The following ZNF215 variants were observed in gnomAD, a reference collection of about 807,000 sequenced individuals.
The protein encoded by ZNF215 is BWSCR2-associated zinc finger protein 2.
A neutral mutation model predicts 27.2 loss-of-function variants in ZNF215; 24 were observed. The observed-to-expected ratio is 0.88, with a 90% CI of 0.64 to 1.24. The LOEUF (loss-of-function observed/expected upper bound fraction) is 1.24, where lower values mean the gene tolerates loss of function less well. Among genes scored for constraint, ZNF215 ranks in the 50% most tolerant of loss-of-function variants. The pLI is 0.00. For missense variants in ZNF215, 675 were observed against 605.7 expected (o/e 1.11, Z -1.20); for synonymous variants, 210 against 204.0 (o/e 1.03, Z -0.25).
At chr11:6,965,209 T>A (rs1850595947) in intron 5 of ZNF215, among the ~76,000 whole-genome samples, 1 of 152,106 alleles carries the variant, frequency 6.6e-6, no homozygotes, top group African/African-American at 2.4e-5. Flanking sequence ...TTGAACACGG[T>A]AGTACATGTT....
At chr11:6,943,429 C>A (rs576477773) in intron 5 of ZNF215, 117 bp from the exon 6 acceptor site, 250 of 1,153,208 alleles carry the variant, frequency 2.2e-4, no homozygotes, top group Non-Finnish European at 2.9e-4. Context: ...GCTCTTCTGG[C>A]CTTACCCTTC....
rs1476394200 is a variant in ZNF215 at position 6,955,967 on chromosome 11, G to T, written c.990G>T (p.Gly330=). ...AAGTGGGAATTCCTTCAAGAAAGGG[G>T]TCTCCAAAATGTGATAAGTTTAAAA... The part of the protein sequence containing the change: ...AIQVGIPSRK[G]SPKCDKFKTY... The change falls in exon 7 of 7, where the codon GGG becomes GGT. Residue 330 remains glycine (G), a synonymous_variant. Transcript: ENST00000278319. 9.3e-6 allele frequency: 15 copies of T among 1,612,982 alleles called. No individual in the cohort carries two copies. Among genetic ancestry groups the T allele is most frequent in the Admixed American group, 1.7e-5 (1 of 59,854 alleles).
Position 6,971,597 on chromosome 11 carries a change from AG to A in ZNF215, c.806-12531del, listed in dbSNP as rs151197966. Among the ~76,000 whole-genome samples the A allele has an allele frequency of 9.4e-3, 1,425 of 152,290 alleles. 25 individuals carry two copies. The highest frequency in any genetic ancestry group is 0.033 in the African/African-American group (1,381 of 41,556). On this transcript the variant is annotated intron_variant, in intron 5 of 5. Coordinates refer to the ZNF215 transcript ENST00000529903. ...ATAGATTAAAACATGAAAATCTTTG[AG>A]TTCTTTGAGTACATATCCATAGAAA...
intron 6 of ZNF215, among the ~76,000 whole-genome samples, chr11:6,953,139 C>G (rs957852883): frequency 1.5e-4 from 23 of 152,216 alleles, no homozygotes; most frequent in African/African-American, 5.5e-4. Flanking sequence ...TGTGGGTAAC[C>G]CGACCTTTCT....
chr11:6,946,079 T>A (rs969984355), intron 6 of ZNF215, among the ~76,000 whole-genome samples: 1 of 152,274 alleles, frequency 6.6e-6, no homozygotes, highest in Admixed American at 6.5e-5. Flanking sequence ...CCTTCACTTC[T>A]CTAATATTTG....
downstream of ZNF215, among the ~76,000 whole-genome samples, chr11:6,958,833 C>T (rs897867514): frequency 1.3e-5 from 2 of 152,136 alleles, no homozygotes; most frequent in African/African-American, 4.8e-5. Flanking sequence ...GTCTGATGTT[C>T]AAGGGTAGGA....
chr11:6,932,015 C>A, intron 2 of ZNF215, 79 bp from the exon 3 acceptor site: 1 of 344,594 alleles, frequency 2.9e-6, no homozygotes, highest in Non-Finnish European at 5.2e-6. Flanking sequence ...TTTTCTTAGG[C>A]AATTTTAATA....
chr11:6,955,593 G>T, intron 6 of ZNF215, 97 bp from the exon 7 acceptor site: 1 of 1,226,670 alleles, frequency 8.2e-7, no homozygotes, highest in Non-Finnish European at 1.1e-6. Flanking sequence ...CTGTATTTAA[G>T]ACCCGTGGTA....
rs1239243699 is a variant in ZNF215 at position 6,931,273 on chromosome 11, A to G, written c.-179-821A>G. ...TGAGACAACCCATAAAGTTGTGCTC[A>G]GTTGTTATGAGAGATACTGGCTCCT... On this transcript the variant is annotated intron_variant, in intron 2 of 6. Coordinates refer to ENST00000278319, the MANE Select transcript of ZNF215 (RefSeq NM_013250.4). Among the ~76,000 whole-genome samples the G allele has an allele frequency of 5.3e-5, 8 of 152,236 alleles. No homozygotes were observed. In the East Asian group the frequency reaches 1.2e-3, roughly 22 times the overall value.
downstream of ZNF215, among the ~76,000 whole-genome samples, chr11:6,992,026 A>C (rs745321632): frequency 6.6e-6 from 1 of 152,172 alleles, no homozygotes; most frequent in Non-Finnish European, 1.5e-5. Flanking sequence ...GATAGTTTGC[A>C]CTGAAATTTC....
chr11:6,993,318 G>T (rs145049394), downstream of ZNF215, among the ~76,000 whole-genome samples: 576 of 152,234 alleles, frequency 3.8e-3, 2 homozygotes, highest in Non-Finnish European at 6.2e-3. Flanking sequence ...TTAAGGTCTG[G>T]ATTGGGACCT....
At chr11:6,953,082 T>C (rs1425797473) in intron 6 of ZNF215, among the ~76,000 whole-genome samples, 2 of 152,200 alleles carry the variant, frequency 1.3e-5, no homozygotes, top group African/African-American at 2.4e-5. Context: ...TTCTGGCTTG[T>C]AGAGTTTCTG....
Position 6,957,109 on chromosome 11 carries a change from C to T in ZNF215, c.*578C>T, listed in dbSNP as rs1850390150. On this transcript the variant is annotated 3_prime_UTR_variant, in exon 7 of 7. Transcript: ENST00000278319. ...GAGACTAGAGTTGGGAAAGGGTTAT[C>T]AACTGCAATGGGAGAAGTATGTATT... is the stretch of plus-strand genomic sequence containing the variant. 1.0e-6 allele frequency: 1 copy of T among 985,400 alleles called. No individual in the cohort carries two copies. Among genetic ancestry groups the T allele is most frequent in the African/African-American group, 1.7e-5 (1 of 57,234 alleles). 61.0% of individuals were successfully genotyped at this position (985,400 alleles called of 1,614,324 possible).
chr11:6,961,004 T>A (rs1020463657), downstream of ZNF215, among the ~76,000 whole-genome samples: 4 of 152,136 alleles, frequency 2.6e-5, no homozygotes, highest in African/African-American at 9.7e-5. Context: ...CCAGAATAGG[T>A]TGCTCTTTCT....
intron 3 of ZNF215, among the ~76,000 whole-genome samples, chr11:6,935,227 A>G (rs555823185): frequency 2.0e-5 from 3 of 152,238 alleles, no homozygotes; most frequent in Non-Finnish European, 2.9e-5. Flanking sequence ...GGAAGATTGA[A>G]GACATGTTCA....
chr11:6,934,381 A>G (rs768717288), intron 3 of ZNF215, among the ~76,000 whole-genome samples: 13 of 152,290 alleles, frequency 8.5e-5, no homozygotes, highest in Admixed American at 2.6e-4. Context: ...GTAGTGAGTT[A>G]TATTAGTTTT....
chr11:6,988,132 A>T, downstream of ZNF215: 1 of 952,936 alleles, frequency 1.0e-6, no homozygotes, highest in Non-Finnish European at 1.2e-6. Flanking sequence ...ACAGCAATTC[A>T]TAATCATAAC....
chr11:6,928,839 T>TGCCATTAAA (rs1849153883), intron 2 of ZNF215, among the ~76,000 whole-genome samples: 6 of 152,306 alleles, frequency 3.9e-5, no homozygotes, highest in African/African-American at 1.2e-4. Context: ...ATTTAAGAGC[T>TGCCATTAAA]CTCTCTTGGC....
intron 6 of ZNF215, among the ~76,000 whole-genome samples, chr11:6,953,461 C>A (rs1850176076): frequency 6.6e-6 from 1 of 152,108 alleles, no homozygotes. Context: ...TCTAAACCTC[C>A]TTTCTTGCTT....
Sources: gnomAD v4.1 joint callset for allele counts (sites outside exome capture counted in the v4.1 genomes callset) on GRCh38, gnomAD v4.1.1 for gene constraint, MANE v1.5 for transcripts, NCBI Gene and HGNC (gene_info 2026-07-23, HGNC 2026-07-21) for gene names.